The following ZNF236 variants were observed in gnomAD, a reference collection of about 807,000 sequenced individuals.
ZNF236 encodes the protein regulated by glucose.
In ZNF236, 50 loss-of-function variants were observed where a neutral mutation model predicts 191.2. That is an observed-to-expected ratio of 0.26 (90% CI 0.21 to 0.33). ZNF236 has a LOEUF of 0.33. Ranked by LOEUF, ZNF236 falls within the 10% of genes least tolerant of loss-of-function variation. The pLI is 1.00. For synonymous variants in ZNF236, 907 were observed against 928.8 expected, an observed-to-expected ratio of 0.98 and a Z score of 0.43; for missense variants, 1,754 against 2,374.5, an observed-to-expected ratio of 0.74 and a Z score of 5.43.
intron 1 of ZNF236, among the ~76,000 whole-genome samples, chr18:76,847,033 T>C (rs1004724690): frequency 6.6e-6 from 1 of 152,104 alleles, no homozygotes; most frequent in Non-Finnish European, 1.5e-5. Flanking sequence ...CCTCTGGTGA[T>C]CCACCCACCC....
rs1348245839 is a variant in ZNF236, at chr18:76,881,353, A to G, written c.1258A>G (p.Lys420Glu). 2 of 1,614,192 alleles carry G rather than the reference A, an allele frequency of 1.2e-6. No individual in the cohort carries two copies. Among genetic ancestry groups the G allele is most frequent in the South Asian group, 2.2e-5 (2 of 91,076 alleles). ...AAHPNDSCHA[K>E]TSAPHAQNPD... ...ACATCCTAATGACTCCTGCCATGCC[A>G]AGACCTCTGCACCACACGCTCAAAA... The change falls in exon 9 of 31, where the codon AAG becomes GAG. Residue 420 changes from lysine (K) to glutamate (E), a missense_variant. Transcript: ENST00000320610.
At chr18:76,884,833 G>C (rs532758191) in intron 9 of ZNF236, 1 of 152,272 alleles carries the variant, frequency 6.6e-6, no homozygotes, top group African/African-American at 2.4e-5. Context: ...AGTTCTTACA[G>C]CTCAGATAAA....
chr18:76,930,051 CT>C (rs1967804573), intron 25 of ZNF236, among the ~76,000 whole-genome samples: 1 of 152,186 alleles, frequency 6.6e-6, no homozygotes, highest in South Asian at 2.1e-4. Context: ...AATGAAAGTC[CT>C]TTTACCTGAT....
chr18:76,873,891 C>T lies in ZNF236; in HGVS notation c.668-1601C>T, dbSNP rs369083874. On this transcript the variant is annotated intron_variant, in intron 5 of 30. Coordinates refer to ENST00000320610, the MANE Select transcript of ZNF236 (RefSeq NM_001306089.2). The stretch of plus-strand genomic sequence containing the variant: ...CCGTGCCTCCTGCCCCCCTGTCGTC[C>T]TCTCCTGTCCCCATGCGGGCAGAGC... Among the ~76,000 whole-genome samples the T allele has an allele frequency of 6.6e-5, 10 of 151,138 alleles. No individual in the cohort carries two copies. The East Asian group carries it at 1.8e-3, about 27-fold the overall frequency.
intron 27 of ZNF236, among the ~76,000 whole-genome samples, chr18:76,949,434 T>G (rs532665030): frequency 6.6e-6 from 1 of 152,318 alleles, no homozygotes; most frequent in South Asian, 2.1e-4. Context: ...GCTTGTAATT[T>G]TTTTCAAAAT....
At chr18:76,948,687 C>T (rs1968330577) in intron 27 of ZNF236, among the ~76,000 whole-genome samples, 1 of 152,198 alleles carries the variant, frequency 6.6e-6, no homozygotes, top group African/African-American at 2.4e-5. Flanking sequence ...TTGTGTGACA[C>T]CGCCTGCCAA....
chr18:76,885,919 C>T (rs1977036543), intron 9 of ZNF236: 1 of 152,380 alleles, frequency 6.6e-6, no homozygotes, highest in African/African-American at 2.4e-5. Context: ...AACAGCCACG[C>T]CATTCCCCAG....
chr18:76,925,959 C>G lies in ZNF236; in HGVS notation c.4027+405C>G, dbSNP rs990527514. Among the ~76,000 whole-genome samples, 1 of 152,146 alleles carries G rather than the reference C, an allele frequency of 6.6e-6. No individual in the cohort carries two copies. Among genetic ancestry groups the G allele is most frequent in the Admixed American group, 6.5e-5 (1 of 15,284 alleles). On this transcript the variant is annotated intron_variant, in intron 22 of 30. Transcript: ENST00000320610. This position sits in a 1 kb window ranked among gnomAD's most constrained non-coding sequence, Gnocchi z 5.7. ...GTGCTTGAGAAGTGTTACATTTTAG[C>G]TAGTTGTGTTGATTTGTGTGCCTGT...
intron 1 of ZNF236, among the ~76,000 whole-genome samples, chr18:76,837,685 G>T (rs1348773604): frequency 1.3e-5 from 2 of 151,906 alleles, no homozygotes; most frequent in Non-Finnish European, 2.9e-5. Flanking sequence ...CAGTCAATCC[G>T]CCCGCCTAGC....
Position 76,927,873 on chromosome 18 carries a change from G to T in ZNF236, c.4415-54G>T. The T allele has an allele frequency of 1.5e-6, 2 of 1,301,074 alleles. No individual in the cohort carries two copies. The highest frequency in any genetic ancestry group is 4.9e-5 in the East Asian group (2 of 40,644). 80.6% of individuals were successfully genotyped at this position (1,301,074 alleles called of 1,614,324 possible). A position where few individuals can be genotyped will look rare whatever the true frequency, so the allele number is the denominator to read the frequency against. ...TAAAATATTTTTAATATAAAAACAGGGGAAATTGGTTATTTTGAATCTCAA... is the reference window on the plus strand; with the variant it reads ...TAAAATATTTTTAATATAAAAACAGTGGAAATTGGTTATTTTGAATCTCAA... On this transcript the variant is annotated intron_variant, in intron 24 of 30. Coordinates refer to ENST00000320610, the MANE Select transcript of ZNF236 (RefSeq NM_001306089.2). This position sits in a 1 kb window ranked among gnomAD's most constrained non-coding sequence, Gnocchi z 5.4.
At chr18:76,951,988 G>A (rs1375619952) in intron 27 of ZNF236, among the ~76,000 whole-genome samples, 2 of 152,234 alleles carry the variant, frequency 1.3e-5, no homozygotes, top group Non-Finnish European at 2.9e-5. Context: ...GCCATTTTAT[G>A]TGGGTGGGGT....
chr18:76,864,952 A>G (rs1294585594), intron 3 of ZNF236, among the ~76,000 whole-genome samples: 5 of 152,218 alleles, frequency 3.3e-5, no homozygotes, highest in Non-Finnish European at 7.3e-5. Flanking sequence ...GAAGAGAAGC[A>G]GAGGAAAAGA....
At chr18:76,837,437 C>CTTTTTTTTTTTTT (rs71760598) in intron 1 of ZNF236, among the ~76,000 whole-genome samples, 124 of 105,826 alleles carry the variant, frequency 1.2e-3, no homozygotes, top group Non-Finnish European at 1.4e-3. Context: ...TTTTCTTTTT[C>CTTTTTTTTTTTTT]TTTTTTTTTT....
chr18:76,938,684 GC>G (rs898226711), intron 26 of ZNF236, among the ~76,000 whole-genome samples: 7 of 152,166 alleles, frequency 4.6e-5, no homozygotes, highest in Non-Finnish European at 8.8e-5. Flanking sequence ...CCTCACCGAG[GC>G]CCCCTGCACA....
In ZNF236 at chr18:76,895,273, C is replaced by T. The variant is rs769832325; in HGVS notation, c.1678C>T (p.Arg560Cys). The change falls in exon 10 of 31, where the codon CGC becomes TGC. Residue 560 changes from arginine (R) to cysteine (C), a missense_variant. This residue lies in a region of ZNF236 where 641 missense variants were observed against 869.6 expected (regional missense o/e 0.74). Transcript: ENST00000320610. ...CTCTGGCAGCCTCAAGGTGCACATT[C>T]GCCTGCACACAGGTATGGCCTCAGG... ...STSGSLKVHI[R>C]LHTGVRPFAC... 1.9e-6 allele frequency: 3 copies of T among 1,599,432 alleles called. No homozygotes were observed. Among genetic ancestry groups the T allele is most frequent in the South Asian group, 1.1e-5 (1 of 91,086 alleles).
chr18:76,904,288 T>C, intron 11 of ZNF236, 92 bp from the exon 12 acceptor site: 1 of 1,304,640 alleles, frequency 7.7e-7, no homozygotes, highest in Middle Eastern at 2.0e-4. Context: ...TACCAGAATT[T>C]TCATCTTCTG....
chr18:76,869,718 G>C lies in ZNF236; in HGVS notation c.542+855G>C, dbSNP rs183889296. On this transcript the variant is annotated intron_variant, in intron 4 of 30. Coordinates refer to ENST00000320610, the MANE Select transcript of ZNF236 (RefSeq NM_001306089.2). ...CACCTGTAATCCCAGCACTTTGGGA[G>C]GCCAGGGCAGGCGGATCACCTGAGG... Among the ~76,000 whole-genome samples, 226 of 152,274 alleles carry C rather than the reference G, an allele frequency of 1.5e-3. 1 individual carries two copies. The highest frequency in any genetic ancestry group is 4.9e-3 in the African/African-American group (205 of 41,566).
intron 25 of ZNF236, chr18:76,936,288 G>A: frequency 2.2e-6 from 1 of 455,766 alleles, no homozygotes; most frequent in Non-Finnish European, 4.4e-6. Flanking sequence ...TGAATGGATG[G>A]CTCGACTGTG....
At chr18:76,967,760 T>C (rs918637742) in intron 30 of ZNF236, among the ~76,000 whole-genome samples, 5 of 151,088 alleles carry the variant, frequency 3.3e-5, no homozygotes, top group African/African-American at 7.3e-5. Flanking sequence ...CTTTGGTTGT[T>C]TGAGGTGCGG....
Sources: gnomAD v4.1 joint callset for allele counts (sites outside exome capture counted in the v4.1 genomes callset) on GRCh38, gnomAD v4.1.1 for gene constraint, gnomAD v4.1.1 regional missense constraint, Gnocchi (gnomAD v3.1) non-coding constraint, MANE v1.5 for transcripts, NCBI Gene and HGNC (gene_info 2026-07-23, HGNC 2026-07-21) for gene names.